The following GRB2 variants were observed in gnomAD, a reference collection of about 807,000 sequenced individuals.
GRB2 encodes the protein growth factor receptor bound protein 2.
Under a neutral mutation model 27.4 loss-of-function variants are expected in GRB2, and 2 were observed. The ratio of observed to expected loss-of-function variants is 0.07; its 90% CI spans 0.03 to 0.23. The LOEUF (loss-of-function observed/expected upper bound fraction) is 0.23. Among genes scored for constraint, GRB2 ranks in the 10% least tolerant of loss-of-function variants. The pLI is 1.00. For synonymous variants in GRB2, 94 were observed against 99.6 expected (o/e 0.94, Z 0.33); for missense variants, 102 against 282.4 (o/e 0.36, Z 4.58).
Position 75,320,630 on chromosome 17 carries a change from C to T in GRB2, c.469-77G>A, listed in dbSNP as rs941010862. The T allele has an allele frequency of 6.4e-6, 7 of 1,089,292 alleles. No individual in the cohort carries two copies. The highest frequency in any genetic ancestry group is 1.3e-5 in the South Asian group (1 of 74,402). The allele number at this position is 1,089,292 out of a possible 1,614,324, so 67.5% of individuals were successfully genotyped here. A position where few individuals can be genotyped will look rare whatever the true frequency, so the allele number is the denominator to read the frequency against. ...GCCACCTCCGAGGCCAGATGGGTTC[C>T]AGGGGGAAACGAATGCGTGCCAAAT... On this transcript the variant is annotated intron_variant, in intron 5 of 5. Coordinates refer to ENST00000316804, the MANE Select transcript of GRB2 (RefSeq NM_002086.5). The surrounding 1 kb of genome is among the most constrained non-coding windows in gnomAD (Gnocchi z 4.3).
chr17:75,379,837 G>A (rs1004564029), intron 2 of GRB2, among the ~76,000 whole-genome samples: 1 of 152,162 alleles, frequency 6.6e-6, no homozygotes, highest in African/African-American at 2.4e-5. Context: ...TAAAAATGCA[G>A]GAAAGCCAAG....
At chr17:75,377,752 CA>C (rs1163191816) in intron 2 of GRB2, among the ~76,000 whole-genome samples, 1 of 151,026 alleles carries the variant, frequency 6.6e-6, no homozygotes, top group African/African-American at 2.4e-5. Flanking sequence ...ACTAAAAGTA[CA>C]AAAATTAGCC....
rs554300766 is a variant in GRB2, at chr17:75,331,054, TGGA to T, written c.176+1643_176+1645del. On this transcript the variant is annotated intron_variant, in intron 3 of 5. Transcript: ENST00000316804. Reference sequence around the variant, plus strand: ...CAAAAAAACAGGAGGTGGTAGGATGTGGAGGAGAAGGCCTGGTACTGACCCTGA... The same window carrying T: ...CAAAAAAACAGGAGGTGGTAGGATGTGGAGAAGGCCTGGTACTGACCCTGA... 9.9e-5 allele frequency among the ~76,000 whole-genome samples: 15 copies of T among 152,156 alleles called. 1 individual carries two copies. In the South Asian group the frequency reaches 2.5e-3, roughly 25 times the overall value.
chr17:75,351,476 C>A (rs1239155726), intron 2 of GRB2, among the ~76,000 whole-genome samples: 1 of 152,058 alleles, frequency 6.6e-6, no homozygotes, highest in African/African-American at 2.4e-5. Flanking sequence ...TAGCCAAGAC[C>A]TGTCTCTACA....
chr17:75,357,792 G>A (rs756187624), intron 2 of GRB2, among the ~76,000 whole-genome samples: 3 of 152,150 alleles, frequency 2.0e-5, no homozygotes, highest in African/African-American at 4.8e-5. Flanking sequence ...GTGGTGGCAG[G>A]CGCCTGTAAT....
chr17:75,358,714 A>C (rs1457924199), intron 2 of GRB2, among the ~76,000 whole-genome samples: 39 of 146,438 alleles, frequency 2.7e-4, no homozygotes, highest in Admixed American at 2.1e-4. Context: ...AAAAAAAAAA[A>C]AAAAAAAAAA....
intron 2 of GRB2, among the ~76,000 whole-genome samples, chr17:75,385,406 A>G (rs2078957660): frequency 6.6e-6 from 1 of 152,084 alleles, no homozygotes; most frequent in Admixed American, 6.6e-5. Flanking sequence ...GCATGGTGGT[A>G]GATGCTTGTA....
Position 75,320,212 on chromosome 17 carries a change from C to G in GRB2, c.*156G>C. 5 of 594,104 alleles carry G rather than the reference C, an allele frequency of 8.4e-6. No individual in the cohort carries two copies. Among genetic ancestry groups the G allele is most frequent in the Non-Finnish European group, 1.5e-5 (5 of 330,500 alleles). The allele number at this position is 594,104 out of a possible 1,614,324, so 36.8% of individuals were successfully genotyped here. On this transcript the variant is annotated 3_prime_UTR_variant, in exon 6 of 6. Coordinates refer to ENST00000316804, the MANE Select transcript of GRB2 (RefSeq NM_002086.5). This position sits in a 1 kb window ranked among gnomAD's most constrained non-coding sequence, Gnocchi z 4.3. ...TTTTAAATCCAACGCCCCCTCCCAC[C>G]CCCTAAAGTTCCAACCAAAGTGAGA...
chr17:75,393,411 A>ATTT (rs2079010300), intron 2 of GRB2, 140 bp downstream of exon 2: 1 of 736,082 alleles, frequency 1.4e-6, no homozygotes, highest in Admixed American at 2.1e-5. Context: ...CAGCATCTAA[A>ATTT]GCTCTCCAGA....
intron 2 of GRB2, among the ~76,000 whole-genome samples, chr17:75,385,616 T>C (rs761039806): frequency 1.2e-4 from 18 of 152,206 alleles, no homozygotes; most frequent in Non-Finnish European, 2.2e-4. Context: ...TGGATCTGAA[T>C]CCTAACTTGT....
At position 75,405,624 on chromosome 17, in the gene GRB2, A is replaced by C. The variant is rs1598261962; in HGVS notation, c.-273T>G. 7 of 162,654 alleles carry C rather than the reference A, an allele frequency of 4.3e-5. No homozygotes were observed. The South Asian group carries it at 9.3e-4, about 22-fold the overall frequency. The allele number at this position is 162,654 out of a possible 1,614,324, so 10.1% of individuals were successfully genotyped here. ...CCGCCACAGGCACAGACTCTGCCAC[A>C]GCCGCCGCCGCCGCTGCCGCCGCCC... is the stretch of plus-strand genomic sequence containing the variant. On this transcript the variant is annotated 5_prime_UTR_variant, in exon 1 of 6. Transcript: ENST00000316804.
intron 2 of GRB2, among the ~76,000 whole-genome samples, chr17:75,368,135 G>A (rs9889402): frequency 0.55 from 83,517 of 151,388 alleles, 27,943 homozygotes; most frequent in East Asian, 0.86. Context: ...GGCTGGTCTC[G>A]AACCCCTGAC....
chr17:75,338,477 C>CA (rs1216575349), intron 2 of GRB2, among the ~76,000 whole-genome samples: 1 of 152,174 alleles, frequency 6.6e-6, no homozygotes, highest in Admixed American at 6.5e-5. Context: ...GGTGAGCTCA[C>CA]AAAAAGTTTC....
At chr17:75,355,842 GA>G (rs1323239155) in intron 2 of GRB2, among the ~76,000 whole-genome samples, 1 of 113,320 alleles carries the variant, frequency 8.8e-6, no homozygotes, top group Non-Finnish European at 1.7e-5. Flanking sequence ...TTTTTTTAAA[GA>G]GACAGAGTCT....
intron 2 of GRB2, among the ~76,000 whole-genome samples, chr17:75,380,346 T>TA (rs5822085): frequency 0.62 from 88,504 of 142,948 alleles, 30,604 homozygotes; most frequent in East Asian, 0.9. Flanking sequence ...TAGCTTGTAG[T>TA]AAAAAAAAAA....
chr17:75,393,646 G>A lies in GRB2; in HGVS notation c.-18C>T. The stretch of plus-strand genomic sequence containing the variant: ...GCTTCCATTCTGAGCGCTGCTCAGT[G>A]CTCAGCAGCCTGAAGCAGGGGGAAG... On this transcript the variant is annotated 5_prime_UTR_variant, in exon 2 of 6. Coordinates refer to ENST00000316804, the MANE Select transcript of GRB2 (RefSeq NM_002086.5). The A allele has an allele frequency of 1.9e-6, 3 of 1,604,532 alleles. No individual in the cohort carries two copies. Among genetic ancestry groups the A allele is most frequent in the Non-Finnish European group, 2.6e-6 (3 of 1,171,344 alleles).
At chr17:75,346,452 C>A (rs558620456) in intron 2 of GRB2, among the ~76,000 whole-genome samples, 175 of 152,000 alleles carry the variant, frequency 1.2e-3, no homozygotes, top group Admixed American at 2.8e-3. Context: ...GCCGAGACTG[C>A]GCCACTGCAT....
intron 2 of GRB2, among the ~76,000 whole-genome samples, chr17:75,386,292 T>C (rs1307719559): frequency 6.6e-6 from 1 of 152,118 alleles, no homozygotes; most frequent in Non-Finnish European, 1.5e-5. Context: ...CTAATTTGTG[T>C]ATTTTTAGTA....
At chr17:75,340,379 G>C (rs914548605) in intron 2 of GRB2, among the ~76,000 whole-genome samples, 1 of 152,140 alleles carries the variant, frequency 6.6e-6, no homozygotes, top group Non-Finnish European at 1.5e-5. Context: ...AAAGAACCCA[G>C]ATAAAACTAG....
Sources: allele counts gnomAD v4.1 joint callset (sites outside exome capture counted in the v4.1 genomes callset), GRCh38; gene constraint gnomAD v4.1.1; non-coding constraint Gnocchi (gnomAD v3.1); transcripts MANE v1.5; gene names NCBI Gene and HGNC (gene_info 2026-07-23, HGNC 2026-07-21).